MINDY4: variants seen among roughly 807,000 people sequenced by gnomAD.
MINDY4 encodes the protein MINDY lysine 48 deubiquitinase 4.
In MINDY4, 68 loss-of-function variants were observed where a neutral mutation model predicts 87.0. That is an observed-to-expected ratio of 0.78 (90% CI 0.64 to 0.96). MINDY4 has a LOEUF of 0.96. MINDY4 is among the 40% of genes least tolerant of loss of function. The pLI is 0.00. For synonymous variants in MINDY4, 379 were observed against 363.2 expected (o/e 1.04, Z -0.50); for missense variants, 919 against 928.2 (o/e 0.99, Z 0.13).
At position 30,859,175 on chromosome 7, in the gene MINDY4, G is replaced by A; in HGVS notation, c.1678-82G>A. The A allele has an allele frequency of 2.1e-6, 3 of 1,396,758 alleles. No homozygotes were observed. In the South Asian group the frequency reaches 3.5e-5, roughly 16 times the overall value. The allele number at this position is 1,396,758 out of a possible 1,614,324, so 86.5% of individuals were successfully genotyped here. On this transcript the variant is annotated intron_variant, in intron 12 of 17. Transcript: ENST00000265299. The stretch of plus-strand genomic sequence containing the variant: ...TTGGCTCAGGGCAGGCTGCTCCCTG[G>A]GGTGTGGCTCCCACAGAGGTGTGGG...
At chr7:30,828,009 G>A (rs1025281729) in intron 5 of MINDY4, among the ~76,000 whole-genome samples, 5 of 152,138 alleles carry the variant, frequency 3.3e-5, no homozygotes, top group African/African-American at 1.2e-4. Flanking sequence ...GTCAATGTAT[G>A]CTGGAGAACA....
In MINDY4 at chr7:30,786,117, G is replaced by A. The variant is rs930632144; in HGVS notation, c.663+125G>A. ...TCCGAGAAGAGGGTCTGTGTGTGGG[G>A]TGGGAAGAACAGTGCCTCTGTTTTC... is the stretch of plus-strand genomic sequence containing the variant. On this transcript the variant is annotated intron_variant, in intron 4 of 17. Transcript: ENST00000265299. 2.2e-5 allele frequency: 29 copies of A among 1,321,618 alleles called. No individual in the cohort carries two copies. The African/African-American group carries it at 4.3e-4, about 19-fold the overall frequency. 81.9% of individuals were successfully genotyped at this position (1,321,618 alleles called of 1,614,324 possible).
intron 5 of MINDY4, among the ~76,000 whole-genome samples, chr7:30,822,893 C>G (rs1462143077): frequency 2.0e-5 from 3 of 152,058 alleles, no homozygotes; most frequent in Non-Finnish European, 4.4e-5. Context: ...GTCGGCCCAC[C>G]TTGGCCTCCC....
chr7:30,863,257 C>T lies in MINDY4; in HGVS notation c.1745+3933C>T, dbSNP rs190919759. ...AAAGAGACAGCTGAGTCTCCAGGAC[C>T]AACTGCAGTTCAGCTGGAGAGAAGC... On this transcript the variant is annotated intron_variant, in intron 13 of 17. Transcript: ENST00000265299. Among the ~76,000 whole-genome samples the T allele has an allele frequency of 2.0e-4, 31 of 152,328 alleles. 1 individual carries two copies. The highest frequency in any genetic ancestry group is 3.4e-3 in the Middle Eastern group (1 of 294).
intron 5 of MINDY4, 61 bp from the exon 6 acceptor site, chr7:30,828,618 C>T: frequency 2.6e-6 from 4 of 1,553,846 alleles, no homozygotes; most frequent in Non-Finnish European, 2.7e-6. Flanking sequence ...TAACAGTCTT[C>T]TCTGCCGTTT....
At chr7:30,779,681 A>T (rs903144948) in intron 2 of MINDY4, 21 of 152,194 alleles carry the variant, frequency 1.4e-4, no homozygotes, top group African/African-American at 5.1e-4. Context: ...AGCCAGAGAG[A>T]GTTGGCTATC....
chr7:30,832,202 C>T (rs562689540), intron 6 of MINDY4, among the ~76,000 whole-genome samples: 1 of 152,310 alleles, frequency 6.6e-6, no homozygotes, highest in African/African-American at 2.4e-5. Flanking sequence ...CTTCATGGGA[C>T]CCAGGCAGAG....
intron 5 of MINDY4, among the ~76,000 whole-genome samples, chr7:30,805,656 G>A (rs1055435677): frequency 2.0e-5 from 3 of 152,092 alleles, no homozygotes; most frequent in Admixed American, 6.5e-5. Context: ...TGGTGATGGC[G>A]GTTCCCAGGT....
intron 2 of MINDY4, 55 bp from the exon 3 acceptor site, chr7:30,781,922 C>A: frequency 1.6e-6 from 2 of 1,258,530 alleles, no homozygotes; most frequent in Non-Finnish European, 2.3e-6. Flanking sequence ...GTCTTTTCCA[C>A]TCTTCCCTGA....
intron 9 of MINDY4, among the ~76,000 whole-genome samples, chr7:30,850,209 GCCT>G (rs1789366316): frequency 6.6e-6 from 1 of 152,168 alleles, no homozygotes; most frequent in Non-Finnish European, 1.5e-5. Flanking sequence ...CCTTTCCTCT[GCCT>G]CCTCCTTCAC....
rs1193100905 is a variant in MINDY4, at chr7:30,840,775, G to A, written c.1372G>A (p.Val458Ile). The part of the protein sequence containing the change: ...IVQNKGGPCG[V>I]LAAVQGCVLQ... ...TTCTTTGCAGGGTGGTCCTTGCGGA[G>A]TCCTGGCAGCTGTCCAAGGCTGTGT... Residue 458 changes from valine to isoleucine, a missense_variant, in exon 9 of 18, where the codon GTC (valine) becomes ATC (isoleucine). Coordinates refer to ENST00000265299, the MANE Select transcript of MINDY4 (RefSeq NM_032222.3). The A allele has an allele frequency of 6.2e-7, 1 of 1,614,040 alleles. No individual in the cohort carries two copies.
chr7:30,785,650 T>C, intron 3 of MINDY4, 99 bp from the exon 4 acceptor site: 4 of 1,391,218 alleles, frequency 2.9e-6, no homozygotes, highest in Non-Finnish European at 3.0e-6. Flanking sequence ...GATTTATTAA[T>C]GGGCTTGCTT....
intron 4 of MINDY4, among the ~76,000 whole-genome samples, chr7:30,789,641 TG>T (rs1269718731): frequency 6.6e-6 from 1 of 152,212 alleles, no homozygotes; most frequent in Admixed American, 6.5e-5. Flanking sequence ...TGAGTGGCTT[TG>T]GGAGGAGGTT....
chr7:30,872,430 T>C (rs928819738), intron 14 of MINDY4, 124 bp downstream of exon 14: 4 of 854,242 alleles, frequency 4.7e-6, no homozygotes, highest in Non-Finnish European at 7.4e-6. Flanking sequence ...GCCAACACTC[T>C]TCAAGCAGCT....
At chr7:30,784,609 C>T (rs529531632) in intron 3 of MINDY4, among the ~76,000 whole-genome samples, 39 of 152,346 alleles carry the variant, frequency 2.6e-4, no homozygotes, top group African/African-American at 8.9e-4. Context: ...GAATACAAGC[C>T]CCGGCTGCTC....
At chr7:30,838,960 T>C (rs1238848647) in intron 7 of MINDY4, among the ~76,000 whole-genome samples, 1 of 152,144 alleles carries the variant, frequency 6.6e-6, no homozygotes, top group African/African-American at 2.4e-5. Flanking sequence ...TTGGCCCATG[T>C]CAGCACAGGC....
At chr7:30,867,915 T>C (rs1185087825) in intron 13 of MINDY4, among the ~76,000 whole-genome samples, 1 of 152,170 alleles carries the variant, frequency 6.6e-6, no homozygotes, top group African/African-American at 2.4e-5. Flanking sequence ...AGGAGGCCCC[T>C]AGAGATTTCT....
chr7:30,852,593 G>A (rs1340866963), intron 11 of MINDY4, among the ~76,000 whole-genome samples: 1 of 142,360 alleles, frequency 7.0e-6, no homozygotes, highest in Non-Finnish European at 1.5e-5. Flanking sequence ...TCTTTCTTTA[G>A]CATCTGCTCC....
intron 15 of MINDY4, among the ~76,000 whole-genome samples, chr7:30,879,061 G>A (rs146868745): frequency 6.6e-6 from 1 of 152,106 alleles, no homozygotes; most frequent in Non-Finnish European, 1.5e-5. Flanking sequence ...CTTTTCTCTG[G>A]ACCCTCAGTG....
Sources: allele counts gnomAD v4.1 joint callset (sites outside exome capture counted in the v4.1 genomes callset), GRCh38; gene constraint gnomAD v4.1.1; transcripts MANE v1.5; gene names NCBI Gene and HGNC (gene_info 2026-07-23, HGNC 2026-07-21).